ASCC3: variants seen among roughly 807,000 people sequenced by gnomAD.
The protein encoded by ASCC3 is activating signal cointegrator 1 complex subunit 3, also known as ASC-1 complex subunit P200.
Under a neutral mutation model 256.3 loss-of-function variants are expected in ASCC3, and 158 were observed. That is an observed-to-expected ratio of 0.62 (90% confidence interval 0.54 to 0.70). The LOEUF (loss-of-function observed/expected upper bound fraction) is 0.70. Ranked by LOEUF, ASCC3 falls within the 30% of genes least tolerant of loss-of-function variation. The pLI, the probability that ASCC3 is intolerant of heterozygous loss-of-function variation, is 0.00. For missense variants in ASCC3, 2,259 were observed against 2,626.0 expected (o/e 0.86, Z 3.05); for synonymous variants, 948 against 883.4 (o/e 1.07, Z -1.30).
chr6:100,711,226 A>G (rs950816779), intron 13 of ASCC3, among the ~76,000 whole-genome samples: 4 of 152,350 alleles, frequency 2.6e-5, no homozygotes, highest in Admixed American at 6.5e-5. Context: ...GGGCAACACA[A>G]TAACATTTCT....
In ASCC3 at chr6:100,805,888, A is replaced by G. The variant is rs546645853; in HGVS notation, c.802-8T>C. The G allele has an allele frequency of 5.6e-6, 9 of 1,609,516 alleles. No individual in the cohort carries two copies. The African/African-American group carries it at 6.7e-5, about 12-fold the overall frequency. ...TCCCAGCAGTTCAAATAGCTTATAAAAAGAGAAAAAAGTAACAAACATCAG... is the reference window on the plus strand; with the variant it reads ...TCCCAGCAGTTCAAATAGCTTATAAGAAGAGAAAAAAGTAACAAACATCAG... On this transcript the variant is annotated splice_region_variant and splice_polypyrimidine_tract_variant and intron_variant, in intron 4 of 41. Coordinates refer to ENST00000369162, the MANE Select transcript of ASCC3 (RefSeq NM_006828.4).
intron 8 of ASCC3, among the ~76,000 whole-genome samples, chr6:100,768,438 T>C (rs938544111): frequency 6.6e-6 from 1 of 152,104 alleles, no homozygotes; most frequent in Non-Finnish European, 1.5e-5. Flanking sequence ...GCTATATTAA[T>C]GTCAGAAAAA....
At chr6:100,656,449 A>G (rs1015535257) in intron 16 of ASCC3, among the ~76,000 whole-genome samples, 4 of 151,708 alleles carry the variant, frequency 2.6e-5, no homozygotes, top group Non-Finnish European at 5.9e-5. Context: ...AAACTCATGT[A>G]CAAGAACAGG....
chr6:100,580,004 A>G (rs75201040), intron 36 of ASCC3, among the ~76,000 whole-genome samples: 2,114 of 152,046 alleles, frequency 0.014, 40 homozygotes, highest in African/African-American at 0.049. Context: ...GATTTTTTTG[A>G]GCAGTGTTTT....
chr6:100,530,791 G>A (rs1774832365), intron 37 of ASCC3: 1 of 1,058,338 alleles, frequency 9.4e-7, no homozygotes, highest in Non-Finnish European at 1.5e-6. Context: ...AGACAAAAAG[G>A]ATTAGATCTA....
At chr6:100,721,595 T>G (rs1006742177) in intron 11 of ASCC3, among the ~76,000 whole-genome samples, 1 of 151,732 alleles carries the variant, frequency 6.6e-6, no homozygotes, top group Non-Finnish European at 1.5e-5. Context: ...TAAAAATTGC[T>G]CTTAAATTGG....
At chr6:100,701,417 G>A (rs1174890425) in intron 13 of ASCC3, among the ~76,000 whole-genome samples, 1 of 152,056 alleles carries the variant, frequency 6.6e-6, no homozygotes, top group African/African-American at 2.4e-5. Flanking sequence ...CTTGCCTTTT[G>A]CCATGATTGT....
intron 34 of ASCC3, among the ~76,000 whole-genome samples, chr6:100,600,393 C>T (rs886568580): frequency 6.6e-6 from 1 of 152,074 alleles, no homozygotes; most frequent in Admixed American, 6.6e-5. Context: ...GAAGTCTATT[C>T]CATGATTCTA....
intron 30 of ASCC3, among the ~76,000 whole-genome samples, chr6:100,621,874 G>A (rs1028166226): frequency 1.3e-5 from 2 of 152,198 alleles, no homozygotes; most frequent in African/African-American, 4.8e-5. Flanking sequence ...TAAAGAAAAT[G>A]TGGTACATAT....
Position 100,767,343 on chromosome 6 carries a change from G to C in ASCC3, c.1398C>G (p.Ile466Met). The C allele has an allele frequency of 6.8e-7, 1 of 1,470,300 alleles. No homozygotes were observed. The highest frequency in any genetic ancestry group is 9.0e-7 in the Non-Finnish European group (1 of 1,112,694). 91.1% of individuals were successfully genotyped at this position (1,470,300 alleles called of 1,614,324 possible). The stretch of plus-strand genomic sequence containing the variant: ...TCATTCCTTTAAAAGCCAGCTGTCC[G>C]ATCTAAAAAAAAAAGGCATCACCCA... ...KPVYIQDLDE[I>M]GQLAFKGMKR... is the part of the protein sequence containing the mutation. Residue 466 changes from isoleucine to methionine, a missense_variant and splice_region_variant, in exon 9 of 42, where the codon ATC (isoleucine) becomes ATG (methionine). Physicochemically the swap from Ile to Met is conservative, Grantham distance 10. Around this residue, in one of 2 missense-constraint regions of ASCC3, gnomAD observed 1,839 missense variants for 2,206.7 expected, o/e 0.83. Coordinates refer to ENST00000369162, the MANE Select transcript of ASCC3 (RefSeq NM_006828.4).
At chr6:100,766,484 T>C in intron 10 of ASCC3, 81 bp downstream of exon 10, 1 of 1,361,580 alleles carries the variant, frequency 7.3e-7, no homozygotes, top group Non-Finnish European at 1.0e-6. Flanking sequence ...TCTAGTTATT[T>C]AAGATATAGT....
At chr6:100,819,119 A>C (rs1770912961) in intron 4 of ASCC3, among the ~76,000 whole-genome samples, 1 of 151,022 alleles carries the variant, frequency 6.6e-6, no homozygotes, top group African/African-American at 2.4e-5. Flanking sequence ...GAACAATGAG[A>C]TCACTTGGAC....
chr6:100,644,120 T>C lies in ASCC3; in HGVS notation c.3643A>G (p.Thr1215Ala). Residue 1215 changes from threonine (T) to alanine (A), a missense_variant, in exon 23 of 42, where the codon ACA becomes GCA. By Grantham distance (58) the Thr-to-Ala change is moderately conservative. Coordinates refer to ENST00000369162, the MANE Select transcript of ASCC3 (RefSeq NM_006828.4). ...DFTWNDQVHG[T>A]VGEPWWIWVE... ...CAAATCCACCAAGGTTCTCCTACTG[T>C]CCCATGTACCTAGAAGAAAAATAGC... 2 of 1,611,082 alleles carry C rather than the reference T, an allele frequency of 1.2e-6. No homozygotes were observed. Among genetic ancestry groups the C allele is most frequent in the Non-Finnish European group, 1.7e-6 (2 of 1,177,714 alleles).
chr6:100,517,007 G>T (rs1418935149), intron 38 of ASCC3, among the ~76,000 whole-genome samples: 1 of 151,856 alleles, frequency 6.6e-6, no homozygotes, highest in Non-Finnish European at 1.5e-5. Flanking sequence ...ATACTGGAAG[G>T]GCTCCTGAAA....
intron 8 of ASCC3, among the ~76,000 whole-genome samples, chr6:100,770,953 A>G (rs1471251084): frequency 2.0e-5 from 3 of 152,070 alleles, no homozygotes; most frequent in African/African-American, 4.8e-5. Context: ...TTCATATGGA[A>G]ACACACATGA....
intron 37 of ASCC3, among the ~76,000 whole-genome samples, chr6:100,521,779 C>T (rs1774325468): frequency 6.6e-6 from 1 of 152,194 alleles, no homozygotes; most frequent in Admixed American, 6.5e-5. Flanking sequence ...GGGGCTAAGG[C>T]CAAGGGATGG....
At chr6:100,658,797 A>T (rs899162455) in intron 16 of ASCC3, among the ~76,000 whole-genome samples, 2 of 151,692 alleles carry the variant, frequency 1.3e-5, no homozygotes, top group South Asian at 4.1e-4. Flanking sequence ...TTTACCTGAC[A>T]TTCTACAGAG....
chr6:100,585,093 G>A (rs898846211), intron 36 of ASCC3, among the ~76,000 whole-genome samples: 3 of 152,066 alleles, frequency 2.0e-5, no homozygotes, highest in African/African-American at 7.2e-5. Context: ...TCTTTGTGGT[G>A]TTCTCTGTAT....
chr6:100,708,260 C>A (rs1439074155), intron 13 of ASCC3, among the ~76,000 whole-genome samples: 1 of 151,932 alleles, frequency 6.6e-6, no homozygotes, highest in Admixed American at 6.6e-5. Context: ...ATTATTTTTT[C>A]CAAGACAATG....
Sources: gnomAD v4.1 joint callset for allele counts (sites outside exome capture counted in the v4.1 genomes callset) on GRCh38, gnomAD v4.1.1 for gene constraint, gnomAD v4.1.1 regional missense constraint, MANE v1.5 for transcripts, NCBI Gene and HGNC (gene_info 2026-07-23, HGNC 2026-07-21) for gene names.